Variants in MAF observed in about 807,000 individuals in gnomAD.
MAF encodes the protein transcription factor Maf.
MAF carries 10 observed loss-of-function variants against 22.0 expected under a neutral mutation model. The ratio of observed to expected loss-of-function variants is 0.45; its 90% CI spans 0.28 to 0.77. MAF has a LOEUF of 0.77. Ranked by LOEUF, MAF falls within the 30% of genes least tolerant of loss-of-function variation. The pLI, the probability that MAF is intolerant of heterozygous loss-of-function variation, is 0.12. For missense variants in MAF, 544 were observed against 548.4 expected (o/e 0.99, Z 0.08); for synonymous variants, 337 against 255.8 (o/e 1.32, Z -3.03).
the MAF span, among the ~76,000 whole-genome samples, chr16:79,466,202 T>A: frequency 6.6e-6 from 1 of 152,216 alleles, no homozygotes; most frequent in Admixed American, 6.5e-5. Flanking sequence ...TCGGAATTCC[T>A]CTGGACCTCA....
chr16:79,468,738 G>C, the MAF span, among the ~76,000 whole-genome samples: 6 of 152,142 alleles, frequency 3.9e-5, no homozygotes, highest in Non-Finnish European at 5.9e-5. Context: ...GTAGAGGAAG[G>C]GGGTGGCTGA....
At chr16:79,581,151 C>G (rs140294873), downstream of MAF, among the ~76,000 whole-genome samples, 2 of 152,030 alleles carry the variant, frequency 1.3e-5, no homozygotes, top group South Asian at 2.1e-4. Context: ...TCTAATCACT[C>G]CATTAAAAAG....
At chr16:79,236,558 C>T in the MAF span, among the ~76,000 whole-genome samples, 21 of 152,128 alleles carry the variant, frequency 1.4e-4, no homozygotes, top group East Asian at 3.7e-3. Context: ...ACATAAAGTA[C>T]ATCTCACACA....
the MAF span, among the ~76,000 whole-genome samples, chr16:79,395,355 T>C: frequency 6.6e-6 from 1 of 152,142 alleles, no homozygotes; most frequent in African/African-American, 2.4e-5. Context: ...AGATGGAAGA[T>C]AGGGGTACCA....
chr16:79,254,121 A>G, the MAF span, among the ~76,000 whole-genome samples: 2 of 152,110 alleles, frequency 1.3e-5, no homozygotes, highest in South Asian at 2.1e-4. Context: ...AAAGTAATTC[A>G]TATGCCTCAT....
the MAF span, among the ~76,000 whole-genome samples, chr16:79,252,374 C>T: frequency 4.0e-5 from 6 of 151,726 alleles, 1 homozygote; most frequent in Middle Eastern, 3.4e-3. Flanking sequence ...ATTCTCTTTC[C>T]CCTCAAAATG....
At chr16:79,354,064 C>G in the MAF span, among the ~76,000 whole-genome samples, 1 of 152,044 alleles carries the variant, frequency 6.6e-6, no homozygotes, top group African/African-American at 2.4e-5. Context: ...GGTGCCATCA[C>G]GGCTCACTGC....
At chr16:79,250,636 T>C in the MAF span, among the ~76,000 whole-genome samples, 1 of 152,162 alleles carries the variant, frequency 6.6e-6, no homozygotes. Flanking sequence ...AATTCAATGG[T>C]GATGAGCACC....
chr16:79,355,441 G>A, the MAF span, among the ~76,000 whole-genome samples: 5 of 152,172 alleles, frequency 3.3e-5, no homozygotes, highest in African/African-American at 1.2e-4. Context: ...GTGGCTCTGA[G>A]GTCCTCCCAT....
intron 1 of MAF, chr16:79,597,125 T>C (rs750439703): frequency 3.8e-6 from 4 of 1,058,466 alleles, no homozygotes; most frequent in Non-Finnish European, 4.6e-6. Context: ...CTACTTTTTT[T>C]AAACAGTCCC....
chr16:79,459,841 G>A, the MAF span, among the ~76,000 whole-genome samples: 2 of 152,146 alleles, frequency 1.3e-5, no homozygotes, highest in South Asian at 4.2e-4. Flanking sequence ...TGGGATTACA[G>A]GCATGAGCCA....
chr16:79,408,078 C>CAAAAA, the MAF span, among the ~76,000 whole-genome samples: 15,751 of 80,642 alleles, frequency 0.2, 1,931 homozygotes, highest in East Asian at 0.47. Context: ...TTTTACCTTT[C>CAAAAA]AAAAAAAAAA....
chr16:79,431,832 T>G, the MAF span, among the ~76,000 whole-genome samples: 1 of 152,182 alleles, frequency 6.6e-6, no homozygotes, highest in African/African-American at 2.4e-5. Flanking sequence ...CAAAACCACA[T>G]GGCAAGTGAA....
the MAF span, among the ~76,000 whole-genome samples, chr16:79,237,965 C>A: frequency 6.6e-6 from 1 of 152,062 alleles, no homozygotes; most frequent in Non-Finnish European, 1.5e-5. Context: ...TCGTCTTAGA[C>A]GGGAATCTTC....
chr16:79,228,630 G>C, the MAF span, among the ~76,000 whole-genome samples: 1 of 152,012 alleles, frequency 6.6e-6, no homozygotes, highest in African/African-American at 2.4e-5. Context: ...GATCATAAAT[G>C]TTTCCACAGG....
chr16:79,556,537 AGGATT>A, the MAF span, among the ~76,000 whole-genome samples: 1 of 152,212 alleles, frequency 6.6e-6, no homozygotes, highest in Admixed American at 6.5e-5. Flanking sequence ...CTGTGTTAAA[AGGATT>A]GGACCCAAGA....
chr16:79,342,072 A>C, the MAF span, among the ~76,000 whole-genome samples: 1 of 152,168 alleles, frequency 6.6e-6, no homozygotes, highest in Non-Finnish European at 1.5e-5. Context: ...GATCTTCAAA[A>C]CACCGTGAGA....
the MAF span, among the ~76,000 whole-genome samples, chr16:79,452,495 C>T: frequency 6.6e-6 from 1 of 152,092 alleles, no homozygotes; most frequent in African/African-American, 2.4e-5. Flanking sequence ...ATACAATACT[C>T]TAGAAGGATT....
At chr16:79,209,394 A>T in the MAF span, among the ~76,000 whole-genome samples, 2 of 152,204 alleles carry the variant, frequency 1.3e-5, no homozygotes, top group Non-Finnish European at 2.9e-5. Context: ...GTTAGGAAGA[A>T]TTCTGCTTTT....
Sources: gnomAD v4.1 joint callset for allele counts (sites outside exome capture counted in the v4.1 genomes callset) on GRCh38, gnomAD v4.1.1 for gene constraint, MANE v1.5 for transcripts, NCBI Gene and HGNC (gene_info 2026-07-23, HGNC 2026-07-21) for gene names.